STK39: variants seen among roughly 807,000 people sequenced by gnomAD.
STK39 encodes STE20/SPS1-related proline-alanine-rich protein kinase.
In STK39, 20 loss-of-function variants were observed where a neutral mutation model predicts 77.8. The ratio of observed to expected loss-of-function variants is 0.26; its 90% CI spans 0.18 to 0.37. The LOEUF is 0.37. STK39 is among the 10% of genes least tolerant of loss of function. STK39 has a pLI of 1.00. For synonymous variants in STK39, 246 were observed against 234.1 expected, an observed-to-expected ratio of 1.05 and a Z score of -0.47; for missense variants, 479 against 656.5, an observed-to-expected ratio of 0.73 and a Z score of 2.95.
At chr2:168,037,877 T>C (rs1425322050) in intron 14 of STK39, among the ~76,000 whole-genome samples, 1 of 152,180 alleles carries the variant, frequency 6.6e-6, no homozygotes, top group Admixed American at 6.5e-5. Context: ...ACCTTCATAA[T>C]GAGGGGGAAA....
In STK39 at chr2:168,119,761, ACT is replaced by A. The variant is rs576369561; in HGVS notation, c.1089+9778_1089+9779del. On this transcript the variant is annotated intron_variant, in intron 10 of 17. Transcript: ENST00000355999. ...ATCATTCCATCAAGCATTTGAAATC[ACT>A]CTCTCTTCTCTGCTTTAATGATAAT... is the stretch of plus-strand genomic sequence containing the variant. 2.8e-3 allele frequency among the ~76,000 whole-genome samples: 428 copies of A among 152,138 alleles called. 1 individual carries two copies. The highest frequency in any genetic ancestry group is 3.9e-3 in the Non-Finnish European group (264 of 68,000).
chr2:168,227,958 A>G (rs1041111546), intron 1 of STK39, among the ~76,000 whole-genome samples: 1 of 152,100 alleles, frequency 6.6e-6, no homozygotes, highest in African/African-American at 2.4e-5. Flanking sequence ...CGCCTGGCCA[A>G]AACGATTTTT....
intron 10 of STK39, among the ~76,000 whole-genome samples, chr2:168,096,981 T>C (rs1399636298): frequency 6.6e-6 from 1 of 152,168 alleles, no homozygotes; most frequent in Non-Finnish European, 1.5e-5. Flanking sequence ...CGCTATTAAT[T>C]TACTGTTCTA....
Position 168,136,203 on chromosome 2 carries a change from C to T in STK39, c.974+1885G>A, listed in dbSNP as rs537140271. Among the ~76,000 whole-genome samples, 71 of 151,526 alleles carry T rather than the reference C, an allele frequency of 4.7e-4. No individual in the cohort carries two copies. In the Middle Eastern group the frequency reaches 0.01, roughly 22 times the overall value. On this transcript the variant is annotated intron_variant, in intron 8 of 17. Coordinates refer to ENST00000355999, the MANE Select transcript of STK39 (RefSeq NM_013233.3). The stretch of plus-strand genomic sequence containing the variant: ...CCAACAGAGTGAAACCCCGTCTCTA[C>T]TAAAATACAAAAAAAATTAGCCTGG...
chr2:168,170,264 C>A (rs1302432724), intron 2 of STK39, among the ~76,000 whole-genome samples: 1 of 152,184 alleles, frequency 6.6e-6, no homozygotes, highest in Non-Finnish European at 1.5e-5. Flanking sequence ...TCTCCTAATG[C>A]CCTAACCGCA....
chr2:168,206,550 C>T (rs1028509409), intron 1 of STK39, among the ~76,000 whole-genome samples: 3 of 152,184 alleles, frequency 2.0e-5, no homozygotes, highest in Non-Finnish European at 4.4e-5. Context: ...ATCTGCCTGC[C>T]TCGGCCTCCC....
intron 14 of STK39, among the ~76,000 whole-genome samples, chr2:168,037,685 AT>A (rs1684993662): frequency 6.6e-6 from 1 of 152,230 alleles, no homozygotes; most frequent in African/African-American, 2.4e-5. Context: ...TGTAAACAGC[AT>A]GGCACAAAAC....
At chr2:167,970,345 G>A (rs1240595091) in intron 16 of STK39, among the ~76,000 whole-genome samples, 2 of 152,156 alleles carry the variant, frequency 1.3e-5, no homozygotes, top group African/African-American at 2.4e-5. Context: ...TGACATAGAC[G>A]GATATCAATC....
intron 1 of STK39, among the ~76,000 whole-genome samples, chr2:168,226,842 A>T (rs559595156): frequency 6.6e-6 from 1 of 152,340 alleles, no homozygotes; most frequent in Non-Finnish European, 1.5e-5. Context: ...TGGCCATCTG[A>T]AATTCTGGAT....
At chr2:168,242,733 G>GA (rs903834948) in intron 1 of STK39, among the ~76,000 whole-genome samples, 9 of 145,188 alleles carry the variant, frequency 6.2e-5, no homozygotes, top group African/African-American at 1.3e-4. Context: ...AATAAAAAAA[G>GA]AAAAAAAAAA....
Position 168,086,593 on chromosome 2 carries a change from T to C in STK39, c.1090-11362A>G, listed in dbSNP as rs373876424. ...GTTCTATAGGCAATTAGAAAAAAAA[T>C]TCTAGAGAAACAAAGACTTTATAAT... On this transcript the variant is annotated intron_variant, in intron 10 of 17. Transcript: ENST00000355999. 6.6e-5 allele frequency among the ~76,000 whole-genome samples: 10 copies of C among 152,188 alleles called. No homozygotes were observed. In the East Asian group the frequency reaches 1.9e-3, roughly 29 times the overall value.
chr2:168,163,705 C>T (rs201359856), intron 4 of STK39, 34 bp downstream of exon 4: 3 of 1,612,648 alleles, frequency 1.9e-6, no homozygotes, highest in African/African-American at 2.7e-5. Context: ...AAGATATGAA[C>T]ATCTGAATTT....
intron 14 of STK39, among the ~76,000 whole-genome samples, chr2:168,036,970 A>C (rs2105346706): frequency 6.6e-6 from 1 of 152,344 alleles, no homozygotes; most frequent in East Asian, 1.9e-4. Flanking sequence ...GAATAACCTA[A>C]TTTCTTTCTT....
intron 14 of STK39, among the ~76,000 whole-genome samples, chr2:168,050,960 T>G (rs1334099299): frequency 6.6e-6 from 1 of 152,206 alleles, no homozygotes; most frequent in Non-Finnish European, 1.5e-5. Flanking sequence ...AAGTTTAAAT[T>G]ACATTCCAAG....
intron 14 of STK39, among the ~76,000 whole-genome samples, chr2:168,049,687 A>G (rs187628784): frequency 1.8e-4 from 28 of 152,370 alleles, no homozygotes; most frequent in Middle Eastern, 3.4e-3. Context: ...ACTGCCTTGC[A>G]TATGAGTAGC....
In STK39 at chr2:168,088,355, C is replaced by T. The variant is rs548128021; in HGVS notation, c.1090-13124G>A. On this transcript the variant is annotated intron_variant, in intron 10 of 17. Coordinates refer to ENST00000355999, the MANE Select transcript of STK39 (RefSeq NM_013233.3). ...CAATAGGCTCTCTGAAAAAGTAGGTCAATACATAGTCAATTTTCAGTGTGG... is the reference window on the plus strand; with the variant it reads ...CAATAGGCTCTCTGAAAAAGTAGGTTAATACATAGTCAATTTTCAGTGTGG... Among the ~76,000 whole-genome samples, 426 of 152,198 alleles carry T rather than the reference C, an allele frequency of 2.8e-3. 2 individuals are homozygous for T. The highest frequency in any genetic ancestry group is 9.7e-3 in the African/African-American group (403 of 41,520).
At chr2:168,081,626 A>G (rs1453567309) in intron 10 of STK39, among the ~76,000 whole-genome samples, 1 of 152,164 alleles carries the variant, frequency 6.6e-6, no homozygotes, top group Non-Finnish European at 1.5e-5. Flanking sequence ...TGATTCTGAA[A>G]TGTGAGGACA....
Position 168,136,860 on chromosome 2 carries a change from A to G in STK39, c.974+1228T>C, listed in dbSNP as rs559601921. Among the ~76,000 whole-genome samples the G allele has an allele frequency of 1.6e-4, 24 of 152,382 alleles. No individual in the cohort carries two copies. The South Asian group carries it at 5.0e-3, about 32-fold the overall frequency. ...AAAACAAGCCCTATGAATCAAATAT[A>G]AATAACAAATGAGATGTTTACATAG... On this transcript the variant is annotated intron_variant, in intron 8 of 17. Coordinates refer to ENST00000355999, the MANE Select transcript of STK39 (RefSeq NM_013233.3).
At chr2:167,961,916 C>T (rs10208532) in intron 17 of STK39, among the ~76,000 whole-genome samples, 21,445 of 152,144 alleles carry the variant, frequency 0.14, 1,609 homozygotes, top group Middle Eastern at 0.19. Context: ...TTAATTTGCC[C>T]AGGATCACAC....
Sources: gnomAD v4.1 joint callset for allele counts (sites outside exome capture counted in the v4.1 genomes callset) on GRCh38, gnomAD v4.1.1 for gene constraint, MANE v1.5 for transcripts, NCBI Gene and HGNC (gene_info 2026-07-23, HGNC 2026-07-21) for gene names.